Variants in FMN1 observed in about 807,000 individuals in gnomAD.
FMN1 encodes the protein formin-1.
In FMN1, 110 loss-of-function variants were observed where a neutral mutation model predicts 132.4. The ratio of observed to expected loss-of-function variants is 0.83; its 90% CI spans 0.71 to 0.97. The LOEUF is 0.97. Ranked by LOEUF, FMN1 falls within the 50% of genes least tolerant of loss-of-function variation. FMN1 has a pLI of 0.00. For missense variants in FMN1, 1,792 were observed against 1,705.3 expected, an observed-to-expected ratio of 1.05 and a Z score of -0.90; for synonymous variants, 722 against 651.7, an observed-to-expected ratio of 1.11 and a Z score of -1.64.
rs990790085 is a variant in FMN1, at chr15:32,902,095, A to C, written c.3378-55T>G. The C allele has an allele frequency of 3.3e-6, 5 of 1,523,696 alleles. No individual in the cohort carries two copies. The African/African-American group carries it at 7.0e-5, about 21-fold the overall frequency. 94.4% of individuals were successfully genotyped at this position (1,523,696 alleles called of 1,614,324 possible). ...TCACATATAATCACAAGGAAAATAA[A>C]AAGACAGCTGAAAAAGACCCACTTT... On this transcript the variant is annotated intron_variant, in intron 12 of 20. Coordinates refer to ENST00000616417, the MANE Select transcript of FMN1 (RefSeq NM_001277313.2).
chr15:32,856,050 C>A (rs908546267), intron 17 of FMN1, among the ~76,000 whole-genome samples: 3 of 152,150 alleles, frequency 2.0e-5, no homozygotes, highest in African/African-American at 7.2e-5. Context: ...GTCTCTGCAC[C>A]AAGGGAACAG....
rs563117210 is a variant in FMN1, at chr15:32,890,972, C to T, written c.3715-2680G>A. Among the ~76,000 whole-genome samples, 4 of 152,284 alleles carry T rather than the reference C, an allele frequency of 2.6e-5. No individual in the cohort carries two copies. The South Asian group carries it at 8.3e-4, about 32-fold the overall frequency. Reference sequence around the variant, plus strand: ...CCTACATGTGGCTAGCCAATTATCCCAGCACCATTTGTTGAAAAGGGTGTC... The same window carrying T: ...CCTACATGTGGCTAGCCAATTATCCTAGCACCATTTGTTGAAAAGGGTGTC... On this transcript the variant is annotated intron_variant, in intron 15 of 20. Transcript: ENST00000616417.
At chr15:33,118,552 TTGA>T (rs2040015354) in intron 4 of FMN1, among the ~76,000 whole-genome samples, 1 of 151,964 alleles carries the variant, frequency 6.6e-6, no homozygotes, top group South Asian at 2.1e-4. Context: ...TATAAACTTG[TTGA>T]TAAGAATCAA....
At chr15:33,037,754 G>C (rs906717390) in intron 6 of FMN1, among the ~76,000 whole-genome samples, 2 of 152,200 alleles carry the variant, frequency 1.3e-5, no homozygotes, top group Non-Finnish European at 2.9e-5. Flanking sequence ...TTCGGATACA[G>C]TATTTTTCAA....
At chr15:33,068,097 A>G in intron 5 of FMN1, 4 of 1,304,000 alleles carry the variant, frequency 3.1e-6, no homozygotes, top group Non-Finnish European at 4.0e-6. Flanking sequence ...GCAACTGTGA[A>G]AAATCTGTGG....
chr15:33,124,040 T>A (rs1962817961), intron 4 of FMN1, among the ~76,000 whole-genome samples: 1 of 152,166 alleles, frequency 6.6e-6, no homozygotes. Flanking sequence ...GGGGAACTAC[T>A]CTCTAGAGTA....
chr15:32,996,208 G>A (rs759856659), intron 7 of FMN1, among the ~76,000 whole-genome samples: 4 of 152,140 alleles, frequency 2.6e-5, no homozygotes, highest in Non-Finnish European at 5.9e-5. Flanking sequence ...CACTTTAAAG[G>A]TGAGAAGCTG....
chr15:32,820,452 T>C (rs1374863040), intron 17 of FMN1, among the ~76,000 whole-genome samples: 2 of 152,154 alleles, frequency 1.3e-5, no homozygotes, highest in African/African-American at 2.4e-5. Context: ...CTTATAAAAA[T>C]ATAAAACATT....
chr15:32,825,951 A>C (rs934088774), intron 17 of FMN1, among the ~76,000 whole-genome samples: 1 of 152,266 alleles, frequency 6.6e-6, no homozygotes, highest in African/African-American at 2.4e-5. Flanking sequence ...ATATAAAATC[A>C]GTGTGCGAGA....
At chr15:32,883,187 T>G (rs1386625515) in intron 16 of FMN1, among the ~76,000 whole-genome samples, 1 of 151,888 alleles carries the variant, frequency 6.6e-6, no homozygotes, top group African/African-American at 2.4e-5. Context: ...TAACCCCAAA[T>G]GAAAATGAAA....
intron 16 of FMN1, among the ~76,000 whole-genome samples, chr15:32,860,208 AAGG>A (rs980258561): frequency 1.1e-4 from 16 of 149,664 alleles, no homozygotes; most frequent in South Asian, 8.8e-4. Context: ...GAAGGAAAGA[AAGG>A]AGAGAGGAAG....
chr15:33,165,335 G>T lies in FMN1; in HGVS notation c.-131-10290C>A, dbSNP rs188173215. On this transcript the variant is annotated intron_variant, in intron 3 of 20. Transcript: ENST00000616417. ...ATCAAATTTGCATTTTCTGATTAAG[G>T]AAGCTGCTCTTGAACAATGGCTTTC... Among the ~76,000 whole-genome samples the T allele has an allele frequency of 1.7e-3, 254 of 152,358 alleles. 1 individual carries two copies. The highest frequency in any genetic ancestry group is 5.7e-3 in the African/African-American group (235 of 41,586).
chr15:33,022,519 T>A (rs2035464143), intron 6 of FMN1, among the ~76,000 whole-genome samples: 1 of 152,196 alleles, frequency 6.6e-6, no homozygotes, highest in African/African-American at 2.4e-5. Context: ...CCAACAGACC[T>A]CCAGTTGTTA....
rs137961612 is a variant in FMN1 at position 32,973,576 on chromosome 15, A to ACCC, written c.2224-4102_2224-4100dup. The stretch of plus-strand genomic sequence containing the variant: ...ATTTAATTGCCTCTCTCTGCCCCTC[A>ACCC]CCCCCCCCAAAAAAACACTTGTCTT... On this transcript the variant is annotated intron_variant, in intron 7 of 20. Transcript: ENST00000616417. Among the ~76,000 whole-genome samples the ACCC allele has an allele frequency of 5.8e-3, 853 of 147,236 alleles. 4 individuals carry two copies. The highest frequency in any genetic ancestry group is 7.2e-3 in the Non-Finnish European group (484 of 66,958).
At chr15:32,780,028 T>C (rs1176660332) in intron 19 of FMN1, among the ~76,000 whole-genome samples, 1 of 152,192 alleles carries the variant, frequency 6.6e-6, no homozygotes, top group African/African-American at 2.4e-5. Flanking sequence ...CTCAGCCCTA[T>C]CACTTATTAA....
intron 5 of FMN1, among the ~76,000 whole-genome samples, chr15:33,070,891 G>GA (rs1339907980): frequency 6.6e-6 from 1 of 152,094 alleles, no homozygotes; most frequent in Non-Finnish European, 1.5e-5. Context: ...TCCTGCTAGA[G>GA]AACCGAGGCA....
At chr15:32,908,387 A>T in intron 12 of FMN1, 103 bp downstream of exon 12, 1 of 732,322 alleles carries the variant, frequency 1.4e-6, no homozygotes, top group Non-Finnish European at 2.4e-6. Flanking sequence ...GTTGTGATTT[A>T]GCTGGCTGCA....
In FMN1 at chr15:32,773,065, TCA is replaced by T. The variant is rs1473188750; in HGVS notation, c.*1243_*1244del. ...ATCTCCAGTCCTCTTTCTTCACCCC[TCA>T]CAAGATTTCAGAGACGTGGCTTAAA... is the stretch of plus-strand genomic sequence containing the variant. On this transcript the variant is annotated 3_prime_UTR_variant, in exon 21 of 21. Coordinates refer to ENST00000616417, the MANE Select transcript of FMN1 (RefSeq NM_001277313.2). 1 of 152,198 alleles carries T rather than the reference TCA, an allele frequency of 6.6e-6. No homozygotes were observed. The highest frequency in any genetic ancestry group is 1.5e-5 in the Non-Finnish European group (1 of 68,048). The allele number at this position is 152,198 out of a possible 1,614,324, so 9.4% of individuals were successfully genotyped here. A position where few individuals can be genotyped will look rare whatever the true frequency, so the allele number is the denominator to read the frequency against.
At chr15:33,043,464 A>G (rs562746145) in intron 6 of FMN1, among the ~76,000 whole-genome samples, 7 of 152,348 alleles carry the variant, frequency 4.6e-5, no homozygotes, top group African/African-American at 9.6e-5. Context: ...TTTGCCGTCT[A>G]TAACTCTTGT....
Sources: gnomAD v4.1 joint callset for allele counts (sites outside exome capture counted in the v4.1 genomes callset) on GRCh38, gnomAD v4.1.1 for gene constraint, MANE v1.5 for transcripts, NCBI Gene and HGNC (gene_info 2026-07-23, HGNC 2026-07-21) for gene names.